Variants in CHRNB1 observed in about 807,000 individuals in gnomAD.
CHRNB1 encodes cholinergic receptor nicotinic beta 1 subunit.
In CHRNB1, 47 loss-of-function variants were observed where a neutral mutation model predicts 53.8. That is an observed-to-expected ratio of 0.87 (90% CI 0.69 to 1.11). CHRNB1 has a LOEUF of 1.11. Ranked by LOEUF, CHRNB1 falls within the 50% of genes most tolerant of loss-of-function variation. The pLI, the probability that CHRNB1 is intolerant of heterozygous loss-of-function variation, is 0.00. For missense variants in CHRNB1, 605 were observed against 654.9 expected, an observed-to-expected ratio of 0.92 and a Z score of 0.83; for synonymous variants, 259 against 263.5, an observed-to-expected ratio of 0.98 and a Z score of 0.16.
rs1908571927 is a variant in CHRNB1 at position 7,445,548 on chromosome 17, T to A, written c.198+139T>A. On this transcript the variant is annotated intron_variant, in intron 2 of 10. Transcript: ENST00000306071. The surrounding 1 kb of genome is among the most constrained non-coding windows in gnomAD (Gnocchi z 5.7). ...AGATGGACCAGCCTTTGGTGAAGAT[T>A]GGATCGAAATCAGACCAATGGACAA... is the stretch of plus-strand genomic sequence containing the variant. 6.6e-7 allele frequency: 1 copy of A among 1,512,054 alleles called. No individual in the cohort carries two copies. The highest frequency in any genetic ancestry group is 8.8e-7 in the Non-Finnish European group (1 of 1,134,192). 93.7% of individuals were successfully genotyped at this position (1,512,054 alleles called of 1,614,324 possible).
rs1363140679 is a variant in CHRNB1 at position 7,445,089 on chromosome 17, C to A, written c.-39C>A. ...ACTTCCCCTGTGCTGGCGGTCCCAG[C>A]GGCTCTCTGAGCGAAGTCACTGAGC... On this transcript the variant is annotated 5_prime_UTR_variant, in exon 1 of 11. Coordinates refer to ENST00000306071, the MANE Select transcript of CHRNB1 (RefSeq NM_000747.3). The surrounding 1 kb of genome is among the most constrained non-coding windows in gnomAD (Gnocchi z 5.7). 1 of 1,594,668 alleles carries A rather than the reference C, an allele frequency of 6.3e-7. No individual in the cohort carries two copies. Among genetic ancestry groups the A allele is most frequent in the Non-Finnish European group, 8.5e-7 (1 of 1,174,358 alleles).
chr17:7,455,026 C>T (rs966809417), intron 8 of CHRNB1, among the ~76,000 whole-genome samples: 2 of 152,050 alleles, frequency 1.3e-5, no homozygotes, highest in South Asian at 4.2e-4. Context: ...TGGTCTTGAA[C>T]TCCTGACCTC....
At chr17:7,454,640 T>A (rs1909007570) in intron 8 of CHRNB1, 120 bp downstream of exon 8, 1 of 787,594 alleles carries the variant, frequency 1.3e-6, no homozygotes, top group African/African-American at 1.7e-5. Context: ...GTTGCACAGT[T>A]AAGCTAGCCC....
At position 7,455,946 on chromosome 17, in the gene CHRNB1, G is replaced by C. The variant is rs1051316024; in HGVS notation, c.1365+5G>C. ...GAACAGGAGGACCACGATGCGGTAT[G>C]TCCAACGGGGGTGGAACAAGGCCAG... is the stretch of plus-strand genomic sequence containing the variant. On this transcript the variant is annotated splice_donor_5th_base_variant and intron_variant, in intron 10 of 10. Coordinates refer to ENST00000306071, the MANE Select transcript of CHRNB1 (RefSeq NM_000747.3). 4.3e-6 allele frequency: 7 copies of C among 1,612,738 alleles called. No homozygotes were observed. In the Admixed American group the frequency reaches 8.3e-5, roughly 19 times the overall value.
Position 7,445,186 on chromosome 17 carries a change from G to A in CHRNB1, c.58+1G>A, listed in dbSNP as rs1173532574. On this transcript the variant is annotated splice_donor_variant, in intron 1 of 10. Transcript: ENST00000306071. LOFTEE classifies it high-confidence loss of function. This position sits in a 1 kb window ranked among gnomAD's most constrained non-coding sequence, Gnocchi z 5.7. ...GCGCTGGGGGCGCCGCTCGCCCCAG[G>A]TAAGTGTAGGCCCCGAAGGGGCAGT... The A allele has an allele frequency of 1.9e-6, 3 of 1,610,660 alleles. No individual in the cohort carries two copies. The highest frequency in any genetic ancestry group is 2.5e-6 in the Non-Finnish European group (3 of 1,179,544).
chr17:7,447,267 A>C, intron 5 of CHRNB1, 116 bp downstream of exon 5: 1 of 969,928 alleles, frequency 1.0e-6, no homozygotes, highest in Non-Finnish European at 1.6e-6. Context: ...TCTAATCCCC[A>C]TGACCCTCAC....
rs1259781734 is a variant in CHRNB1 at position 7,447,084 on chromosome 17, T to C, written c.395T>C (p.Val132Ala). ...GACGTGGCTCTGGACATTAGCGTCG[T>C]GGTGTCCTCCGACGGCTCCGTGCGT... ...NFDVALDISV[V>A]VSSDGSVRWQ... Residue 132 changes from valine to alanine, a missense_variant, in exon 5 of 11, where the codon GTG becomes GCG. Physicochemically the swap from Val to Ala is moderately conservative, Grantham distance 64 (BLOSUM62 0). Coordinates refer to ENST00000306071, the MANE Select transcript of CHRNB1 (RefSeq NM_000747.3). 1.9e-6 allele frequency: 3 copies of C among 1,614,214 alleles called. No homozygotes were observed. Among genetic ancestry groups the C allele is most frequent in the Non-Finnish European group, 2.5e-6 (3 of 1,180,022 alleles).
Position 7,446,729 on chromosome 17 carries a change from G to A in CHRNB1, c.244-104G>A, listed in dbSNP as rs148423934. 1.4e-3 allele frequency: 1,236 copies of A among 867,764 alleles called. 16 individuals are homozygous for A. In the African/African-American group the frequency reaches 0.019, roughly 13 times the overall value. The allele number at this position is 867,764 out of a possible 1,614,324, so 53.8% of individuals were successfully genotyped here. On this transcript the variant is annotated intron_variant, in intron 3 of 10. Transcript: ENST00000306071. ...GCCCCTTGACCCACAGTTTATGCCT[G>A]TCCTGCTCCCCTTCCTTGCACTCCC...
chr17:7,455,627 G>A (rs2069941917), intron 9 of CHRNB1, 167 bp from the exon 10 acceptor site: 3 of 1,211,354 alleles, frequency 2.5e-6, no homozygotes, highest in East Asian at 2.4e-5. Context: ...AAACAGAGGC[G>A]GTGGAAGAAG....
rs563854609 is a variant in CHRNB1 at position 7,448,997 on chromosome 17, C to A, written c.820+209C>A. The stretch of plus-strand genomic sequence containing the variant: ...CCTAATAGGAGTCCTAGCCTCTAAT[C>A]CATAAAGCCTTTACTCCTCTGAACC... On this transcript the variant is annotated intron_variant, in intron 7 of 10. Transcript: ENST00000306071. Among the ~76,000 whole-genome samples the A allele has an allele frequency of 1.5e-4, 23 of 152,232 alleles. No homozygotes were observed. The South Asian group carries it at 3.3e-3, about 22-fold the overall frequency.
At chr17:7,447,280 C>A in intron 5 of CHRNB1, 129 bp downstream of exon 5, 1 of 935,818 alleles carries the variant, frequency 1.1e-6, no homozygotes, top group Non-Finnish European at 1.7e-6. Flanking sequence ...ACCCTCACCT[C>A]GTCTACCCTC....
intron 7 of CHRNB1, among the ~76,000 whole-genome samples, chr17:7,449,949 CAGG>C (rs1229316755): frequency 2.6e-5 from 4 of 151,290 alleles, no homozygotes; most frequent in African/African-American, 4.9e-5. Context: ...GAGGCTGAGG[CAGG>C]AGAATGGCGT....
rs760190833 is a variant in CHRNB1 at position 7,456,788 on chromosome 17, C to T, written c.*65C>T. 4.4e-6 allele frequency: 7 copies of T among 1,598,038 alleles called. No individual in the cohort carries two copies. In the Admixed American group the frequency reaches 1.2e-4, roughly 27 times the overall value. ...GTGAGAGTTTGGTGATACTGTCAAG[C>T]CCTATCCTTCTCTGCCTCTTAACTC... On this transcript the variant is annotated 3_prime_UTR_variant, in exon 11 of 11. Coordinates refer to ENST00000306071, the MANE Select transcript of CHRNB1 (RefSeq NM_000747.3).
At position 7,446,900 on chromosome 17, in the gene CHRNB1, C is replaced by T. The variant is rs749632247; in HGVS notation, c.311C>T (p.Thr104Met). 3 of 1,610,566 alleles carry T rather than the reference C, an allele frequency of 1.9e-6. No homozygotes were observed. The highest frequency in any genetic ancestry group is 1.1e-5 in the South Asian group (1 of 90,888). ...GACGGCATCGATTCGCTCCGCATCA[C>T]GGCGGAATCCGTGTGGCTCCCTGAC... ...EHDGIDSLRITAESVWLPDVV... is the reference protein window; with the variant it reads ...EHDGIDSLRIMAESVWLPDVV... Residue 104 changes from threonine to methionine, a missense_variant, in exon 4 of 11, where the codon ACG becomes ATG. Transcript: ENST00000306071.
At position 7,446,103 on chromosome 17, in the gene CHRNB1, A is replaced by G; in HGVS notation, c.233A>G (p.Tyr78Cys). ...EKDEEMSTKV[Y>C]LDLEWTDYRL... The stretch of plus-strand genomic sequence containing the variant: ...GATGAAGAGATGAGCACAAAGGTGT[A>G]CTTAGACCTGGTATGGAGACCCCAC... Residue 78 changes from tyrosine (Y) to cysteine (C), a missense_variant, in exon 3 of 11, where the codon TAC (tyrosine) becomes TGC (cysteine). Transcript: ENST00000306071. 1 of 1,614,072 alleles carries G rather than the reference A, an allele frequency of 6.2e-7. No homozygotes were observed. Among genetic ancestry groups the G allele is most frequent in the Non-Finnish European group, 8.5e-7 (1 of 1,179,918 alleles).
Position 7,455,366 on chromosome 17 carries a change from G to C in CHRNB1, c.1127G>C (p.Cys376Ser). Residue 376 changes from cysteine (C) to serine (S), a missense_variant, in exon 9 of 11, where the codon TGT becomes TCT. Transcript: ENST00000306071. The stretch of plus-strand genomic sequence containing the variant: ...GACCTGATGCCGGAGCCCCCTCACT[G>C]TTCTTCTCCAGGAAGTGGCTGGGGT... ...ERDLMPEPPH[C>S]SSPGSGWGRG... The C allele has an allele frequency of 6.2e-7, 1 of 1,614,170 alleles. No individual in the cohort carries two copies. The highest frequency in any genetic ancestry group is 1.1e-5 in the South Asian group (1 of 91,078).
intron 6 of CHRNB1, 64 bp from the exon 7 acceptor site, chr17:7,448,515 C>G (rs1025983473): frequency 6.6e-7 from 1 of 1,526,624 alleles, no homozygotes; most frequent in Non-Finnish European, 9.0e-7. Flanking sequence ...GCAGAGCAAG[C>G]CATACCTGGC....
At chr17:7,455,490 G>A (rs1213410143) in intron 9 of CHRNB1, 34 bp downstream of exon 9, 6 of 1,611,006 alleles carry the variant, frequency 3.7e-6, no homozygotes, top group Non-Finnish European at 5.1e-6. Context: ...ATAAGAGGGA[G>A]AGGGAGAACT....
Position 7,455,916 on chromosome 17 carries a change from T to C in CHRNB1, c.1340T>C (p.Leu447Pro), listed in dbSNP as rs2069945361. The C allele has an allele frequency of 6.2e-7, 1 of 1,614,090 alleles. No homozygotes were observed. The highest frequency in any genetic ancestry group is 1.3e-5 in the African/African-American group (1 of 75,014). The change falls in exon 10 of 11, where the codon CTG becomes CCG. Residue 447 changes from leucine to proline, a missense_variant. By Grantham distance (98) the Leu-to-Pro change is moderately conservative. Coordinates refer to ENST00000306071, the MANE Select transcript of CHRNB1 (RefSeq NM_000747.3). ...VSSISYIARQ[L>P]QEQEDHDALK... ...TCTATCAGCTACATCGCTCGACAGC[T>C]GCAGGAACAGGAGGACCACGATGCG...
Sources: gnomAD v4.1 joint callset for allele counts (sites outside exome capture counted in the v4.1 genomes callset) on GRCh38, gnomAD v4.1.1 for gene constraint, Gnocchi (gnomAD v3.1) non-coding constraint, MANE v1.5 for transcripts, NCBI Gene and HGNC (gene_info 2026-07-23, HGNC 2026-07-21) for gene names.